Variants in FBXL13 observed in about 807,000 individuals in gnomAD.
The protein encoded by FBXL13 is F-box and leucine-rich repeat protein 13.
In FBXL13, 67 loss-of-function variants were observed where a neutral mutation model predicts 83.6. That is an observed-to-expected ratio of 0.80 (90% CI 0.66 to 0.98). FBXL13 has a LOEUF of 0.98. FBXL13 is among the 50% of genes least tolerant of loss of function. FBXL13 has a pLI of 0.00. For missense variants in FBXL13, 822 were observed against 866.5 expected (o/e 0.95, Z 0.64); for synonymous variants, 272 against 299.5 (o/e 0.91, Z 0.95).
chr7:102,878,817 A>G (rs1809610804), intron 14 of FBXL13, among the ~76,000 whole-genome samples: 1 of 152,224 alleles, frequency 6.6e-6, no homozygotes, highest in African/African-American at 2.4e-5. Flanking sequence ...GTGAGAACCA[A>G]GACTAAGAGT....
rs369396677 is a variant in FBXL13, at chr7:103,055,234, G to A, written c.-1+410C>T. On this transcript the variant is annotated intron_variant, in intron 2 of 19. Transcript: ENST00000313221. ...TTAATTTCATTAATTAGTTAGTTCC[G>A]TAATTAAATCAGTGATTCTTGTAGG... 5.2e-5 allele frequency: 48 copies of A among 930,420 alleles called. No homozygotes were observed. In the East Asian group the frequency reaches 1.2e-3, roughly 23 times the overall value. 57.6% of individuals were successfully genotyped at this position (930,420 alleles called of 1,614,324 possible). A position where few individuals can be genotyped will look rare whatever the true frequency, so the allele number is the denominator to read the frequency against.
intron 18 of FBXL13, among the ~76,000 whole-genome samples, chr7:102,828,064 G>A (rs1026179505): frequency 4.6e-5 from 7 of 152,192 alleles, no homozygotes; most frequent in South Asian, 2.1e-4. Flanking sequence ...TTGGCAATGC[G>A]GGCTCTTTTT....
intron 16 of FBXL13, among the ~76,000 whole-genome samples, chr7:102,860,301 T>C (rs950232087): frequency 2.0e-5 from 3 of 152,142 alleles, no homozygotes; most frequent in Admixed American, 2.0e-4. Flanking sequence ...CAGCAGGGAA[T>C]GAATGCTTCC....
chr7:102,901,809 C>T (rs1447918550), intron 11 of FBXL13, among the ~76,000 whole-genome samples: 1 of 152,026 alleles, frequency 6.6e-6, no homozygotes, highest in Admixed American at 6.6e-5. Flanking sequence ...CTATATGTAC[C>T]ACATTTTCTT....
chr7:102,939,611 A>G (rs753269295), intron 8 of FBXL13: 1 of 1,580,296 alleles, frequency 6.3e-7, no homozygotes, highest in Non-Finnish European at 8.6e-7. Flanking sequence ...TAGCCCCTTC[A>G]ATGGGTGGCA....
intron 6 of FBXL13, chr7:102,973,352 A>G: frequency 1.5e-6 from 1 of 652,398 alleles, no homozygotes. Context: ...CGGCCAGAAG[A>G]CACCTACCCT....
chr7:102,924,048 C>G (rs1206201413), intron 10 of FBXL13, among the ~76,000 whole-genome samples: 1 of 151,610 alleles, frequency 6.6e-6, no homozygotes, highest in African/African-American at 2.4e-5. Flanking sequence ...GAGGCCAGCC[C>G]GACCAACATA....
intron 17 of FBXL13, 58 bp downstream of exon 18, chr7:102,854,719 A>C: frequency 3.6e-6 from 4 of 1,124,984 alleles, no homozygotes; most frequent in Non-Finnish European, 5.0e-6. Context: ...TTGGAAAAAA[A>C]AGAAAAAAAG....
intron 16 of FBXL13, among the ~76,000 whole-genome samples, chr7:102,877,134 G>A (rs112987590): frequency 2.6e-5 from 4 of 152,052 alleles, no homozygotes; most frequent in South Asian, 2.1e-4. Context: ...TGTGCAATCC[G>A]TAAGAAAAAT....
chr7:103,013,625 G>A (rs999377564), intron 6 of FBXL13, among the ~76,000 whole-genome samples: 16 of 151,996 alleles, frequency 1.1e-4, no homozygotes, highest in Admixed American at 9.8e-4. Context: ...TCTGGGACAC[G>A]GCCAAAGCAC....
intron 6 of FBXL13, among the ~76,000 whole-genome samples, chr7:102,980,929 T>TG (rs1380914671): frequency 1.3e-5 from 2 of 152,152 alleles, no homozygotes; most frequent in Non-Finnish European, 2.9e-5. Context: ...AAACCTTGTG[T>TG]GTCAAAGAAC....
intron 16 of FBXL13, among the ~76,000 whole-genome samples, chr7:102,870,444 T>C (rs1808377327): frequency 6.6e-6 from 1 of 152,192 alleles, no homozygotes; most frequent in African/African-American, 2.4e-5. Context: ...ATATTTATAA[T>C]AGAAAAAATA....
chr7:102,850,568 A>T (rs141306252), intron 17 of FBXL13, among the ~76,000 whole-genome samples: 21 of 152,308 alleles, frequency 1.4e-4, no homozygotes, highest in African/African-American at 5.1e-4. Context: ...CATAGATAAA[A>T]CTTTGTATAA....
chr7:103,010,792 G>A (rs1791525017), intron 6 of FBXL13, among the ~76,000 whole-genome samples: 1 of 152,130 alleles, frequency 6.6e-6, no homozygotes, highest in African/African-American at 2.4e-5. Context: ...TTCCCAGGAA[G>A]CACACAGACA....
At chr7:103,049,551 T>G (rs1796603328) in intron 2 of FBXL13, among the ~76,000 whole-genome samples, 1 of 152,202 alleles carries the variant, frequency 6.6e-6, no homozygotes. Flanking sequence ...ACAGTAGTTG[T>G]AAGATTTTCC....
At chr7:102,867,689 A>AT (rs1807902984) in intron 16 of FBXL13, among the ~76,000 whole-genome samples, 13 of 75,684 alleles carry the variant, frequency 1.7e-4, no homozygotes, top group Non-Finnish European at 2.1e-4. Flanking sequence ...ATATATATAT[A>AT]TATATATTTT....
intron 8 of FBXL13, chr7:102,934,048 C>T: frequency 6.2e-7 from 1 of 1,614,032 alleles, no homozygotes; most frequent in Non-Finnish European, 8.5e-7. Flanking sequence ...CCAACCCGGT[C>T]AAACGCTACG....
chr7:103,006,791 C>G (rs1329720768), intron 6 of FBXL13, among the ~76,000 whole-genome samples: 1 of 151,568 alleles, frequency 6.6e-6, no homozygotes, highest in Non-Finnish European at 1.5e-5. Flanking sequence ...AGAGAAATTG[C>G]AAGGATAACA....
chr7:102,891,920 A>G (rs892121762), intron 11 of FBXL13, among the ~76,000 whole-genome samples: 2 of 152,230 alleles, frequency 1.3e-5, no homozygotes, highest in African/African-American at 4.8e-5. Flanking sequence ...AATCACAACC[A>G]TAATACTTTT....
Sources: allele counts gnomAD v4.1 joint callset (sites outside exome capture counted in the v4.1 genomes callset), GRCh38; gene constraint gnomAD v4.1.1; transcripts MANE v1.5; gene names NCBI Gene and HGNC (gene_info 2026-07-23, HGNC 2026-07-21).